Variants in DNAH8 observed in about 807,000 individuals in gnomAD.
The protein encoded by DNAH8 is axonemal beta dynein heavy chain 8.
A neutral mutation model predicts 562.1 loss-of-function variants in DNAH8; 382 were observed. That is an observed-to-expected ratio of 0.68 (90% CI 0.63 to 0.74). DNAH8 has a LOEUF of 0.74. DNAH8 is among the 30% of genes least tolerant of loss of function. The pLI is 0.00. For missense variants in DNAH8, 5,203 were observed against 5,620.4 expected (o/e 0.93, Z 2.37); for synonymous variants, 1,881 against 1,919.4 (o/e 0.98, Z 0.52).
chr6:38,928,806 G>A (rs1202415924), intron 74 of DNAH8, among the ~76,000 whole-genome samples: 1 of 152,028 alleles, frequency 6.6e-6, no homozygotes. Flanking sequence ...GCAGGGGGAG[G>A]GATCCTAGGT....
intron 26 of DNAH8, among the ~76,000 whole-genome samples, chr6:38,818,330 T>C (rs1320048175): frequency 6.6e-6 from 1 of 151,952 alleles, no homozygotes; most frequent in Admixed American, 6.6e-5. Context: ...AACATAAAAC[T>C]ATAAATTGTT....
intron 53 of DNAH8, among the ~76,000 whole-genome samples, 179 bp downstream of exon 53, chr6:38,876,007 G>A (rs1486355561): frequency 1.3e-5 from 2 of 152,178 alleles, no homozygotes; most frequent in African/African-American, 2.4e-5. Context: ...AATTGTGCCC[G>A]AAACTGATAT....
intron 3 of DNAH8, among the ~76,000 whole-genome samples, chr6:38,729,140 T>G (rs1763462359): frequency 6.6e-6 from 1 of 151,632 alleles, no homozygotes; most frequent in African/African-American, 2.4e-5. Context: ...GAGGTAGAGG[T>G]TGCAGTGAGC....
intron 8 of DNAH8, among the ~76,000 whole-genome samples, chr6:38,745,627 G>T (rs965083924): frequency 6.6e-6 from 1 of 152,050 alleles, no homozygotes; most frequent in South Asian, 2.1e-4. Flanking sequence ...ACTTCTCCAG[G>T]TTTTCCACTT....
chr6:38,766,121 A>G (rs1319166703), intron 11 of DNAH8, among the ~76,000 whole-genome samples: 1 of 115,478 alleles, frequency 8.7e-6, no homozygotes, highest in Non-Finnish European at 1.9e-5. Flanking sequence ...GTATGTATGT[A>G]TATATGTATG....
At position 38,845,725 on chromosome 6, in the gene DNAH8, C is replaced by T; in HGVS notation, c.4997C>T (p.Thr1666Ile). Residue 1666 changes from threonine to isoleucine, a missense_variant, in exon 36 of 93, where the codon ACT becomes ATT. By Grantham distance (89) the Thr-to-Ile change is moderately conservative. This residue lies in a region of DNAH8 where 2,176 missense variants were observed against 2,365.1 expected (regional missense o/e 0.92). Transcript: ENST00000327475. ...LKGTESGEII[T>I]LMEDSLMVLG... is the part of the protein sequence containing the mutation. ...GGAACCGAATCGGGAGAAATTATCACTTTGATGGAGGATAGTTTAATGGTC... is the reference window on the plus strand; with the variant it reads ...GGAACCGAATCGGGAGAAATTATCATTTTGATGGAGGATAGTTTAATGGTC... The T allele has an allele frequency of 6.2e-7, 1 of 1,613,910 alleles. No individual in the cohort carries two copies.
At chr6:38,958,629 G>T (rs1762416133) in intron 82 of DNAH8, among the ~76,000 whole-genome samples, 1 of 117,950 alleles carries the variant, frequency 8.5e-6, no homozygotes, top group Admixed American at 1.1e-4. Flanking sequence ...GATTGAATCA[G>T]TGATTAAGTC....
At position 38,951,491 on chromosome 6, in the gene DNAH8, T is replaced by C. The variant is rs768506361; in HGVS notation, c.12422T>C (p.Ile4141Thr). Reference sequence around the variant, plus strand: ...ATGGGATCTGACCCCACCAATCAAATTGATGCATTGGCCAAGAAACTGAAA... The same window carrying C: ...ATGGGATCTGACCCCACCAATCAAACTGATGCATTGGCCAAGAAACTGAAA... ...LSMGSDPTNQ[I>T]DALAKKLKLE... is the part of the protein sequence containing the mutation. The change falls in exon 82 of 93, where the codon ATT (isoleucine) becomes ACT (threonine). Residue 4141 changes from isoleucine (I) to threonine (T), a missense_variant. Around this residue, in one of 6 missense-constraint regions of DNAH8, gnomAD observed 1,399 missense variants for 1,518.4 expected, o/e 0.92. Transcript: ENST00000327475. The C allele has an allele frequency of 2.2e-5, 35 of 1,613,914 alleles. No individual in the cohort carries two copies. The highest frequency in any genetic ancestry group is 1.6e-4 in the Middle Eastern group (1 of 6,084).
chr6:38,920,339 T>C (rs1781607101), intron 70 of DNAH8, among the ~76,000 whole-genome samples: 1 of 152,088 alleles, frequency 6.6e-6, no homozygotes, highest in South Asian at 2.1e-4. Context: ...AATAAAAGTT[T>C]TATGGGAAAA....
chr6:38,973,858 A>G lies in DNAH8; in HGVS notation c.12678+45A>G, dbSNP rs529290226. On this transcript the variant is annotated intron_variant, in intron 84 of 92. Transcript: ENST00000327475. ...TTCATCGAGAGTCATAGTAATAAAG[A>G]TGACATCATTGACATTGTTGAAAGA... 161 of 1,496,284 alleles carry G rather than the reference A, an allele frequency of 1.1e-4. No individual in the cohort carries two copies. The South Asian group carries it at 1.9e-3, about 18-fold the overall frequency. 92.7% of individuals were successfully genotyped at this position (1,496,284 alleles called of 1,614,324 possible). A position where few individuals can be genotyped will look rare whatever the true frequency, so the allele number is the denominator to read the frequency against.
At chr6:38,904,626 C>A (rs1180113567) in intron 62 of DNAH8, among the ~76,000 whole-genome samples, 1 of 151,630 alleles carries the variant, frequency 6.6e-6, no homozygotes, top group Non-Finnish European at 1.5e-5. Context: ...CCCATCTGTA[C>A]TAAAAATACA....
chr6:38,847,318 C>CT lies in DNAH8; in HGVS notation c.5046-1322dup, dbSNP rs530034112. ...AAGTTATACACCATCAAGGATGACT[C>CT]TTTTTTTTCTGTGCAGAACAATTTT... On this transcript the variant is annotated intron_variant, in intron 36 of 92. Transcript: ENST00000327475. 2.0e-3 allele frequency among the ~76,000 whole-genome samples: 301 copies of CT among 151,512 alleles called. 1 individual carries two copies. The highest frequency in any genetic ancestry group is 6.5e-3 in the African/African-American group (267 of 41,296).
chr6:38,858,984 T>TA (rs1472653430), intron 42 of DNAH8, among the ~76,000 whole-genome samples: 4 of 151,956 alleles, frequency 2.6e-5, no homozygotes, highest in Non-Finnish European at 5.9e-5. Context: ...CCAGAGGGAT[T>TA]AAAAAAAATA....
At chr6:38,831,756 A>G (rs1273742249) in intron 30 of DNAH8, among the ~76,000 whole-genome samples, 1 of 152,198 alleles carries the variant, frequency 6.6e-6, no homozygotes, top group Non-Finnish European at 1.5e-5. Flanking sequence ...TCATATTAGC[A>G]TATTACAATT....
chr6:39,029,496 C>G (rs1010719539), intron 92 of DNAH8, among the ~76,000 whole-genome samples: 1 of 152,182 alleles, frequency 6.6e-6, no homozygotes, highest in African/African-American at 2.4e-5. Context: ...CATCTTATCT[C>G]CCTGATTTAA....
chr6:38,859,398 A>G (rs528959667), intron 42 of DNAH8, among the ~76,000 whole-genome samples: 86 of 152,312 alleles, frequency 5.6e-4, no homozygotes, highest in Middle Eastern at 3.4e-3. Context: ...ACAACAAACA[A>G]CAATAGCAAA....
At chr6:38,873,500 T>G (rs1583237852) in intron 52 of DNAH8, 124 bp downstream of exon 52, 1 of 806,506 alleles carries the variant, frequency 1.2e-6, no homozygotes, top group Non-Finnish European at 1.9e-6. Context: ...GATGTGGCTG[T>G]AAAAGCTCTG....
At chr6:38,867,496 G>A (rs1347239339) in intron 47 of DNAH8, among the ~76,000 whole-genome samples, 1 of 151,796 alleles carries the variant, frequency 6.6e-6, no homozygotes, top group Non-Finnish European at 1.5e-5. Context: ...TGTAATCCCA[G>A]CATTCTGGGA....
chr6:39,006,723 A>G (rs1311558953), intron 88 of DNAH8, among the ~76,000 whole-genome samples: 2 of 152,222 alleles, frequency 1.3e-5, no homozygotes, highest in African/African-American at 4.8e-5. Context: ...TAATATGAGT[A>G]AATGTTAACT....
Sources: gnomAD v4.1 joint callset for allele counts (sites outside exome capture counted in the v4.1 genomes callset) on GRCh38, gnomAD v4.1.1 for gene constraint, gnomAD v4.1.1 regional missense constraint, MANE v1.5 for transcripts, NCBI Gene and HGNC (gene_info 2026-07-23, HGNC 2026-07-21) for gene names.